RBFOX1: variants seen among roughly 807,000 people sequenced by gnomAD.
RBFOX1 encodes the protein RNA binding protein fox-1 homolog 1.
RBFOX1 carries 8 observed loss-of-function variants against 57.7 expected under a neutral mutation model. The observed-to-expected ratio is 0.14, with a 90% CI of 0.08 to 0.25. The LOEUF (loss-of-function observed/expected upper bound fraction) is 0.25. RBFOX1 is among the 10% of genes least tolerant of loss of function. The pLI is 1.00. For synonymous variants in RBFOX1, 326 were observed against 222.4 expected (o/e 1.47, Z -4.15); for missense variants, 611 against 548.5 (o/e 1.11, Z -1.14).
chr16:5,999,097 G>T (rs973678489), intron 4 of RBFOX1, among the ~76,000 whole-genome samples: 7 of 152,160 alleles, frequency 4.6e-5, no homozygotes, highest in African/African-American at 1.7e-4. Flanking sequence ...TGAAGAAGGA[G>T]GCTCAGGAGT....
chr16:5,881,924 G>GGTAGCAGCAGCAGTAATA (rs1187116616), intron 4 of RBFOX1, among the ~76,000 whole-genome samples: 6 of 152,154 alleles, frequency 3.9e-5, no homozygotes, highest in Non-Finnish European at 8.8e-5. Context: ...CAGTAGCAGT[G>GGTAGCAGCAGCAGTAATA]GTAGCAGCAG....
chr16:5,825,249 T>C (rs189731402), intron 3 of RBFOX1, among the ~76,000 whole-genome samples: 135 of 152,318 alleles, frequency 8.9e-4, no homozygotes, highest in South Asian at 1.7e-3. Context: ...GGCAGCCCCG[T>C]TGGGGAAGGA....
At chr16:6,864,616 T>G (rs2142870640) in intron 3 of RBFOX1, among the ~76,000 whole-genome samples, 1 of 152,014 alleles carries the variant, frequency 6.6e-6, no homozygotes, top group East Asian at 1.9e-4. Context: ...GCAGGATATT[T>G]GAGAATCAAG....
chr16:6,666,111 C>T (rs1229960275), intron 3 of RBFOX1, among the ~76,000 whole-genome samples: 2 of 152,158 alleles, frequency 1.3e-5, no homozygotes, highest in Non-Finnish European at 2.9e-5. Flanking sequence ...TGCCTCCCAT[C>T]ATGGTTATGA....
At chr16:6,212,946 G>A (rs2097308367) in intron 1 of RBFOX1, among the ~76,000 whole-genome samples, 1 of 152,148 alleles carries the variant, frequency 6.6e-6, no homozygotes, top group Admixed American at 6.5e-5. Flanking sequence ...TACATAAAGA[G>A]GCAGACCTGA....
chr16:7,318,694 A>G (rs989416009), intron 4 of RBFOX1, among the ~76,000 whole-genome samples: 2 of 152,180 alleles, frequency 1.3e-5, no homozygotes, highest in African/African-American at 4.8e-5. Flanking sequence ...AAAGGTACCT[A>G]GTGGCTTCTG....
intron 14 of RBFOX1, among the ~76,000 whole-genome samples, chr16:7,699,617 G>A (rs1323621976): frequency 6.6e-6 from 1 of 152,164 alleles, no homozygotes; most frequent in African/African-American, 2.4e-5. Context: ...AGTAAAAAAT[G>A]CATGCTGGAT....
rs571429172 is a variant in RBFOX1 at position 5,952,732 on chromosome 16, C to G, written c.351+85397C>G. 3.9e-5 allele frequency among the ~76,000 whole-genome samples: 6 copies of G among 152,280 alleles called. No individual in the cohort carries two copies. The South Asian group carries it at 1.2e-3, about 32-fold the overall frequency. On this transcript the variant is annotated intron_variant, in intron 4 of 19. Coordinates refer to the RBFOX1 transcript ENST00000641259. ...AATTCTTCCACGGATGGGCATCTCT[C>G]TGGGGTTTCCCTGTTACAGAAATGA...
At chr16:5,546,391 G>A (rs2045207144) in intron 2 of RBFOX1, among the ~76,000 whole-genome samples, 1 of 152,156 alleles carries the variant, frequency 6.6e-6, no homozygotes, top group Admixed American at 6.6e-5. Flanking sequence ...AACAAAGTTA[G>A]AGGGCTAACA....
rs141633544 is a variant in RBFOX1 at position 5,743,912 on chromosome 16, A to G, written c.319-123391A>G. On this transcript the variant is annotated intron_variant, in intron 3 of 19. Coordinates refer to the RBFOX1 transcript ENST00000641259. ...GGCATGATGTCATACGGAAGGTCTC[A>G]AGAACTTATTCATCTTGATAACAGA... 2.0e-5 allele frequency among the ~76,000 whole-genome samples: 3 copies of G among 152,302 alleles called. No homozygotes were observed. The East Asian group carries it at 5.8e-4, about 29-fold the overall frequency.
chr16:6,852,114 A>G (rs1213551627), intron 3 of RBFOX1, among the ~76,000 whole-genome samples: 1 of 151,990 alleles, frequency 6.6e-6, no homozygotes, highest in African/African-American at 2.4e-5. Context: ...GCTTAAAATG[A>G]TATAAATTTA....
At chr16:7,075,593 T>C (rs2058140952) in intron 4 of RBFOX1, among the ~76,000 whole-genome samples, 1 of 152,194 alleles carries the variant, frequency 6.6e-6, no homozygotes, top group African/African-American at 2.4e-5. Context: ...ATTTTTCTTT[T>C]TTTATGAGAC....
intron 2 of RBFOX1, among the ~76,000 whole-genome samples, chr16:6,389,414 T>G (rs1470282066): frequency 6.6e-6 from 1 of 152,204 alleles, no homozygotes; most frequent in Non-Finnish European, 1.5e-5. Context: ...TCTTTTATTT[T>G]CCTTGACAGT....
intron 4 of RBFOX1, among the ~76,000 whole-genome samples, chr16:7,249,696 G>T (rs1242826604): frequency 6.0e-5 from 9 of 150,806 alleles, no homozygotes; most frequent in Non-Finnish European, 1.5e-5. Flanking sequence ...TTTATTTTTG[G>T]CACAGTCCCA....
chr16:6,875,769 C>T (rs1320175379), intron 3 of RBFOX1, among the ~76,000 whole-genome samples: 1 of 152,132 alleles, frequency 6.6e-6, no homozygotes, highest in Non-Finnish European at 1.5e-5. Context: ...CTTTGGGAGG[C>T]CATGACAGCA....
At chr16:6,453,966 C>T (rs1045534334) in intron 2 of RBFOX1, among the ~76,000 whole-genome samples, 6 of 152,166 alleles carry the variant, frequency 3.9e-5, no homozygotes, top group Non-Finnish European at 5.9e-5. Flanking sequence ...AGTCCAAATC[C>T]AAGGCGTTGG....
At chr16:7,121,565 G>A (rs545077014) in intron 4 of RBFOX1, among the ~76,000 whole-genome samples, 22 of 151,960 alleles carry the variant, frequency 1.4e-4, no homozygotes, top group African/African-American at 5.3e-4. Context: ...AATTAAAAAA[G>A]CAAATCTAAA....
chr16:5,825,375 T>A (rs2056000813), intron 3 of RBFOX1, among the ~76,000 whole-genome samples: 1 of 152,166 alleles, frequency 6.6e-6, no homozygotes, highest in African/African-American at 2.4e-5. Context: ...ACCTTCATGC[T>A]CATTTCCTGT....
At position 7,052,010 on chromosome 16, in the gene RBFOX1, G is replaced by A. The variant is rs756586181; in HGVS notation, c.-15-47G>A. On this transcript the variant is annotated intron_variant, in intron 3 of 15. Transcript: ENST00000550418. ...TTTCTGTTTTCTTTCATGTTTTTCT[G>A]ATCCGGAGCCTTCTGACTTTTCCCC... 4 of 1,592,312 alleles carry A rather than the reference G, an allele frequency of 2.5e-6. No homozygotes were observed. The Admixed American group carries it at 5.3e-5, about 21-fold the overall frequency.
Sources: gnomAD v4.1 joint callset for allele counts (sites outside exome capture counted in the v4.1 genomes callset) on GRCh38, gnomAD v4.1.1 for gene constraint, MANE v1.5 for transcripts, NCBI Gene and HGNC (gene_info 2026-07-23, HGNC 2026-07-21) for gene names.